CNTNAP2: variants seen among roughly 807,000 people sequenced by gnomAD.
The protein encoded by CNTNAP2 is contactin-associated protein-like 2.
CNTNAP2 carries 98 observed loss-of-function variants against 155.2 expected under a neutral mutation model. The observed-to-expected ratio is 0.63, with a 90% CI of 0.54 to 0.75. The LOEUF is 0.75. Ranked by LOEUF, CNTNAP2 falls within the 30% of genes least tolerant of loss-of-function variation. The pLI is 0.00. For missense variants in CNTNAP2, 1,727 were observed against 1,688.1 expected, an observed-to-expected ratio of 1.02 and a Z score of -0.40; for synonymous variants, 651 against 631.2, an observed-to-expected ratio of 1.03 and a Z score of -0.47.
intron 12 of CNTNAP2, among the ~76,000 whole-genome samples, chr7:147,633,736 C>T (rs1199901628): frequency 6.6e-6 from 1 of 152,136 alleles, no homozygotes; most frequent in African/African-American, 2.4e-5. Context: ...TCCTCCTTTG[C>T]TCAACTCTCA....
At chr7:147,253,436 C>G (rs1297353457) in intron 8 of CNTNAP2, among the ~76,000 whole-genome samples, 4 of 141,232 alleles carry the variant, frequency 2.8e-5, no homozygotes, top group African/African-American at 1.1e-4. Flanking sequence ...GATAGAACAT[C>G]GTCTTATTGC....
At chr7:147,522,341 A>G (rs995648394) in intron 11 of CNTNAP2, among the ~76,000 whole-genome samples, 9 of 152,244 alleles carry the variant, frequency 5.9e-5, no homozygotes, top group Admixed American at 2.0e-4. Context: ...AGGTATTCCT[A>G]ATAACTATTA....
chr7:147,456,442 AAC>A (rs539893155), intron 10 of CNTNAP2, among the ~76,000 whole-genome samples: 85 of 152,334 alleles, frequency 5.6e-4, no homozygotes, highest in African/African-American at 1.9e-3. Flanking sequence ...TGTAATTACA[AAC>A]AGTTTTGAAG....
At chr7:146,795,806 A>C (rs1236144328) in intron 2 of CNTNAP2, among the ~76,000 whole-genome samples, 1 of 152,212 alleles carries the variant, frequency 6.6e-6, no homozygotes, top group Non-Finnish European at 1.5e-5. Context: ...ACATCCCAGA[A>C]AAATGCCTGC....
chr7:147,514,049 G>A (rs1275662726), intron 11 of CNTNAP2, among the ~76,000 whole-genome samples: 1 of 152,028 alleles, frequency 6.6e-6, no homozygotes, highest in East Asian at 1.9e-4. Flanking sequence ...ATCTACTCAA[G>A]CAAATTTCAC....
At chr7:147,095,755 T>A (rs1201737970) in intron 4 of CNTNAP2, among the ~76,000 whole-genome samples, 2 of 152,166 alleles carry the variant, frequency 1.3e-5, no homozygotes, top group Admixed American at 6.5e-5. Context: ...TTTCAGTACA[T>A]CTTCCTAAAA....
intron 12 of CNTNAP2, among the ~76,000 whole-genome samples, chr7:147,573,796 T>TC (rs910611245): frequency 1.2e-4 from 19 of 152,288 alleles, no homozygotes; most frequent in East Asian, 3.9e-4. Flanking sequence ...AATGTCTTCA[T>TC]CCCCCCTATA....
chr7:146,879,351 A>T (rs1264503104), intron 3 of CNTNAP2, among the ~76,000 whole-genome samples: 1 of 152,142 alleles, frequency 6.6e-6, no homozygotes, highest in East Asian at 1.9e-4. Flanking sequence ...CCCAACTTTT[A>T]TATATCATGT....
chr7:146,498,055 A>G lies in CNTNAP2; in HGVS notation c.98-276216A>G, dbSNP rs1797246511. 2.0e-5 allele frequency among the ~76,000 whole-genome samples: 3 copies of G among 152,172 alleles called. No homozygotes were observed. The South Asian group carries it at 6.2e-4, about 31-fold the overall frequency. ...TTAGTAAGAGAAGTTAAAGGTACAAAGTAATAAATGGCATGTAGTCTGTGT... is the reference window on the plus strand; with the variant it reads ...TTAGTAAGAGAAGTTAAAGGTACAAGGTAATAAATGGCATGTAGTCTGTGT... On this transcript the variant is annotated intron_variant, in intron 1 of 23. Transcript: ENST00000361727.
chr7:147,188,357 G>A (rs1032087175), intron 8 of CNTNAP2, among the ~76,000 whole-genome samples: 2 of 152,238 alleles, frequency 1.3e-5, no homozygotes, highest in Admixed American at 1.3e-4. Context: ...TGTCAAGGAG[G>A]ATATTTTGAT....
intron 1 of CNTNAP2, among the ~76,000 whole-genome samples, chr7:146,148,769 G>A (rs1797991408): frequency 6.6e-6 from 1 of 152,068 alleles, no homozygotes; most frequent in Non-Finnish European, 1.5e-5. Context: ...AGGAGAACAT[G>A]ATACATTAAA....
At chr7:146,403,415 T>C (rs1277088913) in intron 1 of CNTNAP2, among the ~76,000 whole-genome samples, 1 of 152,148 alleles carries the variant, frequency 6.6e-6, no homozygotes, top group Non-Finnish European at 1.5e-5. Context: ...TTGTATAATA[T>C]TAGGTTTAAA....
At chr7:146,902,286 T>A (rs1796020439) in intron 3 of CNTNAP2, among the ~76,000 whole-genome samples, 1 of 152,256 alleles carries the variant, frequency 6.6e-6, no homozygotes, top group Admixed American at 6.5e-5. Context: ...CTACTCATAA[T>A]TTCTCACTTT....
chr7:146,555,027 G>A (rs933557321), intron 1 of CNTNAP2, among the ~76,000 whole-genome samples: 1 of 152,166 alleles, frequency 6.6e-6, no homozygotes, highest in Non-Finnish European at 1.5e-5. Flanking sequence ...CCAAATAAGA[G>A]ATAGTGGATG....
At chr7:148,221,426 T>G (rs929009683) in intron 19 of CNTNAP2, among the ~76,000 whole-genome samples, 15 of 152,126 alleles carry the variant, frequency 9.9e-5, no homozygotes, top group African/African-American at 3.6e-4. Flanking sequence ...CCCCACCGGC[T>G]GTACTCTCCA....
At chr7:147,985,407 CTTTT>C (rs34093586) in intron 15 of CNTNAP2, among the ~76,000 whole-genome samples, 1 of 108,068 alleles carries the variant, frequency 9.3e-6, no homozygotes, top group East Asian at 2.9e-4. Flanking sequence ...TATGTTTTTA[CTTTT>C]TTTTTTTTTT....
chr7:147,669,103 C>A (rs1795745908), intron 13 of CNTNAP2, among the ~76,000 whole-genome samples: 2 of 152,090 alleles, frequency 1.3e-5, no homozygotes, highest in South Asian at 2.1e-4. Flanking sequence ...ATAGGCTATA[C>A]CATATAGCCT....
intron 3 of CNTNAP2, among the ~76,000 whole-genome samples, chr7:147,003,522 A>G (rs920685776): frequency 1.3e-5 from 2 of 151,996 alleles, no homozygotes; most frequent in Non-Finnish European, 2.9e-5. Context: ...TGGGGAATAG[A>G]GGAAATAACA....
intron 11 of CNTNAP2, among the ~76,000 whole-genome samples, chr7:147,551,654 C>T (rs1799854584): frequency 6.6e-6 from 1 of 152,134 alleles, no homozygotes; most frequent in Non-Finnish European, 1.5e-5. Flanking sequence ...TTATCCTGAA[C>T]CTAAATCAGA....
Sources: gnomAD v4.1 joint callset for allele counts (sites outside exome capture counted in the v4.1 genomes callset) on GRCh38, gnomAD v4.1.1 for gene constraint, MANE v1.5 for transcripts, NCBI Gene and HGNC (gene_info 2026-07-23, HGNC 2026-07-21) for gene names.